NUBP2: variants seen among roughly 807,000 people sequenced by gnomAD.
The protein encoded by NUBP2 is cytosolic Fe-S cluster assembly factor NUBP2.
In NUBP2, 23 loss-of-function variants were observed where a neutral mutation model predicts 24.9. The observed-to-expected ratio is 0.92, with a 90% CI of 0.66 to 1.31. The LOEUF (loss-of-function observed/expected upper bound fraction) is 1.31. Among genes scored for constraint, NUBP2 ranks in the 50% most tolerant of loss-of-function variants. The probability of loss-of-function intolerance (pLI) is 0.00; values close to 1 mark genes in which losing one functional copy is unlikely to be tolerated. For missense variants in NUBP2, 403 were observed against 386.5 expected (o/e 1.04, Z -0.36); for synonymous variants, 186 against 170.9 (o/e 1.09, Z -0.69).
rs185900157 is a variant in NUBP2 at position 1,787,325 on chromosome 16, T to C, written c.335-352T>C. On this transcript the variant is annotated intron_variant, in intron 3 of 6. Transcript: ENST00000262302. ...AGGCTGGTGGGAGTGAGGCGCAGGC[T>C]GTGGGTGCACCAGTGGGGCATCCAC... The C allele has an allele frequency of 1.4e-3, 586 of 422,218 alleles. 5 individuals are homozygous for C. The highest frequency in any genetic ancestry group is 0.011 in the African/African-American group (556 of 50,346). 26.2% of individuals were successfully genotyped at this position (422,218 alleles called of 1,614,324 possible).
rs1041256350 is a variant in NUBP2, at chr16:1,786,806, T to A, written c.185T>A (p.Leu62His). ...TGTGGCCCCAGTATCCCCCGCATGCTCGGGGCGCAGGGCAGGGCTGTGCAC... is the reference window on the plus strand; with the variant it reads ...TGTGGCCCCAGTATCCCCCGCATGCACGGGGCGCAGGGCAGGGCTGTGCAC... ...DLCGPSIPRM[L>H]GAQGRAVHQC... The change falls in exon 3 of 7, where the codon CTC becomes CAC. Residue 62 changes from leucine (L) to histidine (H), a missense_variant. Leu to His is a moderately conservative substitution (Grantham distance 99). Coordinates refer to ENST00000262302, the MANE Select transcript of NUBP2 (RefSeq NM_012225.4). The A allele has an allele frequency of 6.2e-7, 1 of 1,609,926 alleles. No individual in the cohort carries two copies. Among genetic ancestry groups the A allele is most frequent in the Admixed American group, 1.7e-5 (1 of 59,876 alleles).
chr16:1,784,091 G>T, intron 1 of NUBP2: 3 of 890,024 alleles, frequency 3.4e-6, no homozygotes, highest in African/African-American at 1.8e-5. Flanking sequence ...GAGATTGATA[G>T]AAGCTTTTTT....
Position 1,786,817 on chromosome 16 carries a change from G to A in NUBP2, c.196G>A (p.Gly66Ser), listed in dbSNP as rs142740376. Residue 66 changes from glycine (G) to serine (S), a missense_variant, in exon 3 of 7, where the codon GGC becomes AGC. Transcript: ENST00000262302. The part of the protein sequence containing the change: ...PSIPRMLGAQ[G>S]RAVHQCDRGW... ...TATCCCCCGCATGCTCGGGGCGCAG[G>A]GCAGGGCTGTGCACCAGTGCGACCG... 51 of 1,608,692 alleles carry A rather than the reference G, an allele frequency of 3.2e-5. No individual in the cohort carries two copies. The Middle Eastern group carries it at 2.6e-3, about 83-fold the overall frequency.
chr16:1,787,842 G>T lies in NUBP2; in HGVS notation c.489+11G>T. 1 of 1,607,658 alleles carries T rather than the reference G, an allele frequency of 6.2e-7. No homozygotes were observed. The highest frequency in any genetic ancestry group is 8.5e-7 in the Non-Finnish European group (1 of 1,177,670). On this transcript the variant is annotated intron_variant, in intron 4 of 6. Transcript: ENST00000262302. ...GTCACCACGCCCCAGGTAGCGCTGCGGCACCTTCCCGAGTCCCTGTGGGTG... is the reference window on the plus strand; with the variant it reads ...GTCACCACGCCCCAGGTAGCGCTGCTGCACCTTCCCGAGTCCCTGTGGGTG...
At chr16:1,785,928 G>A (rs1472651184) in intron 1 of NUBP2, 1 of 1,276,542 alleles carries the variant, frequency 7.8e-7, no homozygotes, top group East Asian at 5.6e-5. Flanking sequence ...TTTTGCCAAG[G>A]TATCTGCACA....
At chr16:1,785,533 G>T (rs531913661) in intron 1 of NUBP2, 1 of 1,206,756 alleles carries the variant, frequency 8.3e-7, no homozygotes, top group Non-Finnish European at 1.1e-6. Flanking sequence ...CTCTCTGCAC[G>T]GGCCACTTCT....
rs181034531 is a variant in NUBP2 at position 1,786,982 on chromosome 16, T to C, written c.334+27T>C. On this transcript the variant is annotated intron_variant, in intron 3 of 6. Coordinates refer to ENST00000262302, the MANE Select transcript of NUBP2 (RefSeq NM_012225.4). The stretch of plus-strand genomic sequence containing the variant: ...TAACGGCCGGGCGGCGCGTCCGCCG[T>C]CCTGGTGAAGGGGGTTAGCGTCCGT... 2.4e-3 allele frequency: 3,580 copies of C among 1,500,048 alleles called. 142 individuals carry two copies. The Admixed American group carries it at 0.076, about 32-fold the overall frequency. 92.9% of individuals were successfully genotyped at this position (1,500,048 alleles called of 1,614,324 possible). A position where few individuals can be genotyped will look rare whatever the true frequency, so the allele number is the denominator to read the frequency against.
At position 1,787,710 on chromosome 16, in the gene NUBP2, G is replaced by A. The variant is rs748098280; in HGVS notation, c.368G>A (p.Trp123Ter). 1 of 1,612,360 alleles carries A rather than the reference G, an allele frequency of 6.2e-7. No individual in the cohort carries two copies. Among genetic ancestry groups the A allele is most frequent in the Non-Finnish European group, 8.5e-7 (1 of 1,179,914 alleles). ...LIKQFVSDVA[W>*]GELDYLVVDT... Reference sequence around the variant, plus strand: ...AAGCAGTTTGTGTCCGACGTGGCCTGGGGGGAGCTGGACTACCTGGTGGTG... The same window carrying A: ...AAGCAGTTTGTGTCCGACGTGGCCTAGGGGGAGCTGGACTACCTGGTGGTG... The change falls in exon 4 of 7, where the codon TGG (tryptophan) becomes TAG (stop). Residue 123 changes from tryptophan (W) to a stop codon, truncating the protein, a stop_gained. Transcript: ENST00000262302. LOFTEE classifies it high-confidence loss of function.
chr16:1,784,079 C>G (rs1433943216), intron 1 of NUBP2: 2 of 951,830 alleles, frequency 2.1e-6, no homozygotes, highest in South Asian at 9.7e-5. Flanking sequence ...AAGGATATTA[C>G]TGAGATTGAT....
Position 1,786,745 on chromosome 16 carries a change from C to T in NUBP2, c.136-12C>T, listed in dbSNP as rs532474739. On this transcript the variant is annotated splice_polypyrimidine_tract_variant and intron_variant, in intron 2 of 6. Coordinates refer to ENST00000262302, the MANE Select transcript of NUBP2 (RefSeq NM_012225.4). ...GCGGTGCCCCCGGCCTAGGCTGTGC[C>T]GCTCCTTGCAGGTGGGAATCCTGGA... 3.1e-5 allele frequency: 50 copies of T among 1,611,360 alleles called. No individual in the cohort carries two copies. The highest frequency in any genetic ancestry group is 2.7e-4 in the South Asian group (25 of 90,974).
chr16:1,788,694 A>C lies in NUBP2; in HGVS notation c.796A>C (p.Thr266Pro). 1 of 1,611,578 alleles carries C rather than the reference A, an allele frequency of 6.2e-7. No homozygotes were observed. The highest frequency in any genetic ancestry group is 8.5e-7 in the Non-Finnish European group (1 of 1,179,334). Residue 266 changes from threonine to proline, a missense_variant, in exon 7 of 7, where the codon ACG (threonine) becomes CCG (proline). Thr to Pro is a conservative substitution (Grantham distance 38). Coordinates refer to ENST00000262302, the MANE Select transcript of NUBP2 (RefSeq NM_012225.4). Reference protein sequence around the residue: ...TSIAQKILDATPACLP With the variant: ...TSIAQKILDAPPACLP ...CATAGCCCAGAAGATTCTGGACGCG[A>C]CGCCCGCGTGCCTCCCCTGACTAAG...
intron 6 of NUBP2, 78 bp downstream of exon 6, chr16:1,788,285 C>A: frequency 7.5e-7 from 1 of 1,338,138 alleles, no homozygotes; most frequent in Non-Finnish European, 9.9e-7. Context: ...CTCCATGCCC[C>A]CAGTGCCCAA....
chr16:1,786,459 G>A, intron 1 of NUBP2, 78 bp from the exon 2 acceptor site: 2 of 1,254,010 alleles, frequency 1.6e-6, no homozygotes, highest in Non-Finnish European at 2.3e-6. Flanking sequence ...GTGGGTGCAA[G>A]AGGCAGTGGG....
chr16:1,785,890 C>T (rs555781565), intron 1 of NUBP2: 75 of 1,287,474 alleles, frequency 5.8e-5, no homozygotes, highest in Non-Finnish European at 6.7e-5. Flanking sequence ...ATGGCCTCAG[C>T]GGTGGCGCCG....
At chr16:1,785,916 G>A (rs945813288) in intron 1 of NUBP2, 13 of 1,282,796 alleles carry the variant, frequency 1.0e-5, no homozygotes, top group Non-Finnish European at 1.2e-5. Flanking sequence ...AGAATGCAGG[G>A]GTTTTGCCAA....
chr16:1,783,072 G>C (rs1453518506), intron 1 of NUBP2, 36 bp downstream of exon 1: 1 of 1,247,686 alleles, frequency 8.0e-7, no homozygotes, highest in East Asian at 3.2e-5. Flanking sequence ...CCGCTCCAGG[G>C]CCTCGCTTGG....
intron 1 of NUBP2, chr16:1,786,285 C>T: frequency 1.9e-6 from 1 of 531,998 alleles, no homozygotes; most frequent in South Asian, 2.5e-5. Context: ...GCAGTTTCCA[C>T]TCTCAGCAGC....
intron 1 of NUBP2, chr16:1,785,157 C>A: frequency 1.0e-6 from 1 of 996,726 alleles, no homozygotes; most frequent in Non-Finnish European, 1.2e-6. Context: ...CCATGGAGAG[C>A]GCACTCGCCT....
chr16:1,787,152 T>G (rs1897013599), intron 3 of NUBP2, 197 bp downstream of exon 3: 1 of 526,206 alleles, frequency 1.9e-6, no homozygotes, highest in Non-Finnish European at 3.3e-6. Context: ...TGTCCCCAAC[T>G]CCCGGTCAGA....
Sources: gnomAD v4.1 joint callset for allele counts on GRCh38, gnomAD v4.1.1 for gene constraint, MANE v1.5 for transcripts, NCBI Gene and HGNC (gene_info 2026-07-23, HGNC 2026-07-21) for gene names.